The following ZKSCAN1 variants were observed in gnomAD, a reference collection of about 807,000 sequenced individuals.
The protein encoded by ZKSCAN1 is zinc finger with KRAB and SCAN domains 1.
In ZKSCAN1, 14 loss-of-function variants were observed where a neutral mutation model predicts 51.6. That is an observed-to-expected ratio of 0.27 (90% confidence interval 0.18 to 0.42). The LOEUF is 0.42. Among genes scored for constraint, ZKSCAN1 ranks in the 10% least tolerant of loss-of-function variants. ZKSCAN1 has a pLI of 1.00. For missense variants in ZKSCAN1, 531 were observed against 710.0 expected (o/e 0.75, Z 2.86); for synonymous variants, 263 against 261.5 (o/e 1.01, Z -0.06).
rs1791408580 is a variant in ZKSCAN1 at position 100,037,339 on chromosome 7, A to G, written c.*3142A>G. 1.0e-6 allele frequency: 1 copy of G among 985,434 alleles called. No homozygotes were observed. The highest frequency in any genetic ancestry group is 1.2e-6 in the Non-Finnish European group (1 of 829,942). 61.0% of individuals were successfully genotyped at this position (985,434 alleles called of 1,614,324 possible). On this transcript the variant is annotated 3_prime_UTR_variant, in exon 6 of 6. Coordinates refer to ENST00000324306, the MANE Select transcript of ZKSCAN1 (RefSeq NM_003439.4). Reference sequence around the variant, plus strand: ...AAGTAAAATCCTCAGGTTGTGGGGTATTTGTTTCTACTCCAGCCTGGCAGG... The same window carrying G: ...AAGTAAAATCCTCAGGTTGTGGGGTGTTTGTTTCTACTCCAGCCTGGCAGG...
At position 100,033,649 on chromosome 7, in the gene ZKSCAN1, T is replaced by C. The variant is rs1428082604; in HGVS notation, c.1144T>C (p.Cys382Arg). The change falls in exon 6 of 6, where the codon TGT becomes CGT. Residue 382 changes from cysteine (C) to arginine (R), a missense_variant. Transcript: ENST00000324306. This position sits in a 1 kb window ranked among gnomAD's most constrained non-coding sequence, Gnocchi z 4.1. Reference protein sequence around the residue: ...TGTKSHRCDECGKCFTRSSSL... With the variant: ...TGTKSHRCDERGKCFTRSSSL... ...AACAAAGTCTCACAGATGTGATGAA[T>C]GTGGTAAATGCTTCACGAGAAGTTC... The C allele has an allele frequency of 6.2e-7, 1 of 1,614,198 alleles. No individual in the cohort carries two copies.
downstream of ZKSCAN1, among the ~76,000 whole-genome samples, chr7:100,042,943 G>A (rs1019246864): frequency 1.3e-5 from 2 of 151,532 alleles, no homozygotes; most frequent in Admixed American, 6.6e-5. Flanking sequence ...GACTACAGGC[G>A]CCCGCCACTG....
At position 100,036,712 on chromosome 7, in the gene ZKSCAN1, T is replaced by G. The variant is rs1440743401; in HGVS notation, c.*2515T>G. 1.5e-4 allele frequency: 140 copies of G among 960,712 alleles called. No individual in the cohort carries two copies. The highest frequency in any genetic ancestry group is 1.5e-4 in the Non-Finnish European group (126 of 813,820). 59.5% of individuals were successfully genotyped at this position (960,712 alleles called of 1,614,324 possible). On this transcript the variant is annotated 3_prime_UTR_variant, in exon 6 of 6. Coordinates refer to ENST00000324306, the MANE Select transcript of ZKSCAN1 (RefSeq NM_003439.4). ...AGCCTGGGTGACTAGCAAAACTCCA[T>G]CTCAAAAAAAAAAAAAAGAAAGAAA...
chr7:100,026,708 G>T (rs1790851941), intron 3 of ZKSCAN1, among the ~76,000 whole-genome samples: 1 of 151,808 alleles, frequency 6.6e-6, no homozygotes, highest in Admixed American at 6.6e-5. Flanking sequence ...CTGGGTGACA[G>T]AGTGAGACTC....
Position 100,033,404 on chromosome 7 carries a change from A to C in ZKSCAN1, c.899A>C (p.Glu300Ala). ...RGETTGRSQK[E>A]FGEKRDQEGK... ...GAGACAACAGGAAGATCCCAGAAAG[A>C]GTTTGGAGAGAAACGTGACCAGGAG... Residue 300 changes from glutamate (E) to alanine (A), a missense_variant, in exon 6 of 6, where the codon GAG becomes GCG. Glu to Ala is a moderately radical substitution (Grantham distance 107, BLOSUM62 -1). Coordinates refer to ENST00000324306, the MANE Select transcript of ZKSCAN1 (RefSeq NM_003439.4). This position sits in a 1 kb window ranked among gnomAD's most constrained non-coding sequence, Gnocchi z 4.1. The C allele has an allele frequency of 1.2e-6, 2 of 1,614,144 alleles. No homozygotes were observed. The highest frequency in any genetic ancestry group is 1.7e-6 in the Non-Finnish European group (2 of 1,180,028).
At chr7:100,021,172 G>A (rs888849250) in intron 1 of ZKSCAN1, among the ~76,000 whole-genome samples, 1 of 133,242 alleles carries the variant, frequency 7.5e-6, no homozygotes, top group Non-Finnish European at 1.5e-5. Flanking sequence ...CCAGGCTGGA[G>A]TGCAATGGCG....
chr7:100,029,251 GT>G (rs557347149), intron 3 of ZKSCAN1, among the ~76,000 whole-genome samples: 14 of 150,432 alleles, frequency 9.3e-5, no homozygotes, highest in African/African-American at 1.5e-4. Flanking sequence ...CTACTAAAGT[GT>G]TTTTTTTGTT....
At chr7:100,018,086 C>T (rs1790444552) in intron 1 of ZKSCAN1, among the ~76,000 whole-genome samples, 1 of 152,154 alleles carries the variant, frequency 6.6e-6, no homozygotes, top group Non-Finnish European at 1.5e-5. Context: ...TCCCATTATA[C>T]AGATGAGGAA....
intron 5 of ZKSCAN1, among the ~76,000 whole-genome samples, chr7:100,030,995 C>G (rs1002894310): frequency 6.6e-6 from 1 of 152,064 alleles, no homozygotes; most frequent in African/African-American, 2.4e-5. Flanking sequence ...CGAGGAAGTT[C>G]AAGAGGCATC....
Position 100,037,641 on chromosome 7 carries a change from G to GTA in ZKSCAN1, c.*3447_*3448dup. ...TATTATATGTGAGGAAAACTTTCAT[G>GTA]TATAGCACTCATTGCTTCAGACAGA... is the stretch of plus-strand genomic sequence containing the variant. On this transcript the variant is annotated 3_prime_UTR_variant, in exon 6 of 6. Coordinates refer to ENST00000324306, the MANE Select transcript of ZKSCAN1 (RefSeq NM_003439.4). 1 of 985,456 alleles carries GTA rather than the reference G, an allele frequency of 1.0e-6. No homozygotes were observed. Among genetic ancestry groups the GTA allele is most frequent in the Non-Finnish European group, 1.2e-6 (1 of 829,940 alleles). The allele number at this position is 985,456 out of a possible 1,614,324, so 61.0% of individuals were successfully genotyped here.
At chr7:100,020,384 C>T (rs2115825653) in intron 1 of ZKSCAN1, among the ~76,000 whole-genome samples, 1 of 151,926 alleles carries the variant, frequency 6.6e-6, no homozygotes, top group South Asian at 2.1e-4. Flanking sequence ...GGACCAGGCA[C>T]TGGAAAGTAT....
At chr7:100,030,053 CAAA>C in intron 4 of ZKSCAN1, 101 bp downstream of exon 4, 6 of 1,448,274 alleles carry the variant, frequency 4.1e-6, no homozygotes, top group Non-Finnish European at 5.7e-6. Flanking sequence ...CCCCTGCTCT[CAAA>C]GAAGCCCCAA....
rs745902458 is a variant in ZKSCAN1 at position 100,037,814 on chromosome 7, G to A, written c.*3617G>A. On this transcript the variant is annotated 3_prime_UTR_variant, in exon 6 of 6. Transcript: ENST00000324306. ...AGGCGGATCACGAGGTCAGTAGTTC[G>A]AGACCAGCCTGGCCAACATGGTGAA... is the stretch of plus-strand genomic sequence containing the variant. 1.0e-5 allele frequency: 8 copies of A among 798,278 alleles called. No individual in the cohort carries two copies. Among genetic ancestry groups the A allele is most frequent in the African/African-American group, 1.9e-5 (1 of 53,318 alleles). 49.4% of individuals were successfully genotyped at this position (798,278 alleles called of 1,614,324 possible).
At chr7:100,027,036 C>T (rs1273523236) in intron 3 of ZKSCAN1, among the ~76,000 whole-genome samples, 1 of 152,120 alleles carries the variant, frequency 6.6e-6, no homozygotes, top group African/African-American at 2.4e-5. Context: ...GTGGCCCACG[C>T]CTCTAATCCT....
intron 5 of ZKSCAN1, among the ~76,000 whole-genome samples, chr7:100,032,964 C>T (rs1412885013): frequency 6.0e-5 from 9 of 150,610 alleles, no homozygotes; most frequent in South Asian, 4.2e-4. Flanking sequence ...GCCGAGATCA[C>T]GCCATTGCAC....
Position 100,023,734 on chromosome 7 carries a change from G to A in ZKSCAN1, c.228G>A (p.Arg76=). ...NTFGPREALS[R]LKELCHQWLR... ...TTGGGCCCCGAGAGGCTCTCAGTCG[G>A]CTGAAGGAACTTTGTCATCAGTGGC... The change falls in exon 2 of 6, where the codon CGG becomes CGA. Residue 76 remains arginine (R), a synonymous_variant. Coordinates refer to ENST00000324306, the MANE Select transcript of ZKSCAN1 (RefSeq NM_003439.4). 1 of 1,614,188 alleles carries A rather than the reference G, an allele frequency of 6.2e-7. No homozygotes were observed. The highest frequency in any genetic ancestry group is 8.5e-7 in the Non-Finnish European group (1 of 1,180,030).
chr7:100,039,341 A>G lies in ZKSCAN1; in HGVS notation c.*5144A>G. ...AAAAAAAAAAAAGAAAGAAAGAAAG[A>G]AAATTGGGGATAGGAGAACAGCAAG... On this transcript the variant is annotated 3_prime_UTR_variant, in exon 6 of 6. Transcript: ENST00000324306. 1 of 985,440 alleles carries G rather than the reference A, an allele frequency of 1.0e-6. No individual in the cohort carries two copies. The highest frequency in any genetic ancestry group is 1.2e-6 in the Non-Finnish European group (1 of 830,062). The allele number at this position is 985,440 out of a possible 1,614,324, so 61.0% of individuals were successfully genotyped here. A position where few individuals can be genotyped will look rare whatever the true frequency, so the allele number is the denominator to read the frequency against.
chr7:100,039,617 CTGCT>C lies in ZKSCAN1; in HGVS notation c.*5422_*5425del. The C allele has an allele frequency of 1.0e-6, 1 of 985,394 alleles. No individual in the cohort carries two copies. The highest frequency in any genetic ancestry group is 1.2e-6 in the Non-Finnish European group (1 of 829,920). The allele number at this position is 985,394 out of a possible 1,614,324, so 61.0% of individuals were successfully genotyped here. On this transcript the variant is annotated 3_prime_UTR_variant, in exon 6 of 6. Coordinates refer to ENST00000324306, the MANE Select transcript of ZKSCAN1 (RefSeq NM_003439.4). ...TTTTATTCCAGGTAGTCATGCTGAT[CTGCT>C]TATCCAAAGCCAGCTAACCAGGTTC...
At chr7:100,020,723 A>G (rs891453567) in intron 1 of ZKSCAN1, among the ~76,000 whole-genome samples, 1 of 152,178 alleles carries the variant, frequency 6.6e-6, no homozygotes, top group African/African-American at 2.4e-5. Flanking sequence ...AAAATTAAGA[A>G]TATGTTTAGT....
Sources: gnomAD v4.1 joint callset for allele counts (sites outside exome capture counted in the v4.1 genomes callset) on GRCh38, gnomAD v4.1.1 for gene constraint, Gnocchi (gnomAD v3.1) non-coding constraint, MANE v1.5 for transcripts, NCBI Gene and HGNC (gene_info 2026-07-23, HGNC 2026-07-21) for gene names.